PARP4: variants seen among roughly 807,000 people sequenced by gnomAD.
PARP4 encodes the protein poly(ADP-ribose) polymerase family member 4.
In PARP4, 120 loss-of-function variants were observed where a neutral mutation model predicts 187.7. The ratio of observed to expected loss-of-function variants is 0.64; its 90% CI spans 0.55 to 0.74. The LOEUF (loss-of-function observed/expected upper bound fraction) is 0.74, where lower values mean the gene tolerates loss of function less well. PARP4 is among the 30% of genes least tolerant of loss of function. PARP4 has a pLI of 0.00. For synonymous variants in PARP4, 654 were observed against 740.9 expected (o/e 0.88, Z 1.90); for missense variants, 1,836 against 2,070.5 (o/e 0.89, Z 2.20).
chr13:24,454,342 C>T (rs1410726197), intron 22 of PARP4, among the ~76,000 whole-genome samples: 1 of 152,180 alleles, frequency 6.6e-6, no homozygotes, highest in Non-Finnish European at 1.5e-5. Flanking sequence ...GCAGACTGTA[C>T]CTCTGGGGAA....
chr13:24,496,593 C>T (rs1042383526), intron 6 of PARP4, among the ~76,000 whole-genome samples: 1 of 152,110 alleles, frequency 6.6e-6, no homozygotes, highest in African/African-American at 2.4e-5. Flanking sequence ...AAGTGGATCT[C>T]ACATCCACCT....
At position 24,469,091 on chromosome 13, in the gene PARP4, GCTT is replaced by G. The variant is rs780944738; in HGVS notation, c.2063_2065del (p.Glu688del). 5.6e-6 allele frequency: 9 copies of G among 1,612,248 alleles called. No homozygotes were observed. The stretch of plus-strand genomic sequence containing the variant: ...CACGGCTTCTAGGTACTCTTGCTGG[GCTT>G]CTTCCTTCTCTTTAATCTGGAAAAG... On this transcript the variant is annotated inframe_deletion, in exon 17 of 34. Coordinates refer to ENST00000381989, the MANE Select transcript of PARP4 (RefSeq NM_006437.4).
At chr13:24,446,067 A>T (rs1357586040) in intron 27 of PARP4, among the ~76,000 whole-genome samples, 2 of 152,250 alleles carry the variant, frequency 1.3e-5, no homozygotes, top group Non-Finnish European at 2.9e-5. Flanking sequence ...ATAAACCCAC[A>T]TCCTCAATAT....
intron 17 of PARP4, 132 bp downstream of exon 17, chr13:24,468,892 A>G (rs1872609261): frequency 7.5e-6 from 5 of 663,948 alleles, no homozygotes; most frequent in Non-Finnish European, 1.3e-5. Flanking sequence ...CCCCTTACTC[A>G]GACCAAGTGG....
chr13:24,425,569 G>GTATATCTATATCTATATC (rs1343575198), intron 33 of PARP4, among the ~76,000 whole-genome samples: 62 of 136,818 alleles, frequency 4.5e-4, no homozygotes, highest in South Asian at 1.5e-3. Flanking sequence ...GTGTGTGTGT[G>GTATATCTATATCTATATC]TATATCTATA....
In PARP4 at chr13:24,493,307, A is replaced by C. The variant is rs371246627; in HGVS notation, c.879+289T>G. On this transcript the variant is annotated intron_variant, in intron 8 of 33. Coordinates refer to ENST00000381989, the MANE Select transcript of PARP4 (RefSeq NM_006437.4). ...CACCCATAACCCTCCAGCTTCCTGC[A>C]AGCCTCTTGGCACAGAGGATCAGGC... 9.8e-5 allele frequency among the ~76,000 whole-genome samples: 15 copies of C among 152,332 alleles called. No homozygotes were observed. The East Asian group carries it at 1.7e-3, about 18-fold the overall frequency.
intron 12 of PARP4, among the ~76,000 whole-genome samples, chr13:24,478,909 A>T (rs978504857): frequency 6.6e-6 from 1 of 152,194 alleles, no homozygotes; most frequent in African/African-American, 2.4e-5. Flanking sequence ...GAGAAGGAAA[A>T]ATCACCACCT....
chr13:24,440,414 A>T (rs1475405379), intron 30 of PARP4, among the ~76,000 whole-genome samples: 7 of 46,720 alleles, frequency 1.5e-4, no homozygotes, highest in African/African-American at 4.5e-4. Context: ...AAAAAAAATT[A>T]AAATTAAAAA....
At chr13:24,464,497 A>G (rs1872358135) in intron 17 of PARP4, among the ~76,000 whole-genome samples, 1 of 152,184 alleles carries the variant, frequency 6.6e-6, no homozygotes, top group Non-Finnish European at 1.5e-5. Context: ...AACACCACAC[A>G]TCTACAACTG....
chr13:24,504,950 C>T (rs926794841), intron 1 of PARP4, among the ~76,000 whole-genome samples: 1 of 151,368 alleles, frequency 6.6e-6, no homozygotes. Flanking sequence ...CCACCTTGGC[C>T]TCCCAAAATT....
chr13:24,431,243 A>G (rs1593585890), intron 32 of PARP4, 134 bp downstream of exon 32: 1 of 574,740 alleles, frequency 1.7e-6, no homozygotes, highest in Non-Finnish European at 3.0e-6. Context: ...ATGGTTAAAT[A>G]TAATTCCATT....
At position 24,496,852 on chromosome 13, in the gene PARP4, G is replaced by A. The variant is rs549350616; in HGVS notation, c.591+1264C>T. 8.6e-5 allele frequency among the ~76,000 whole-genome samples: 13 copies of A among 152,046 alleles called. No individual in the cohort carries two copies. The East Asian group carries it at 2.1e-3, about 25-fold the overall frequency. ...AGCCTGGCCAACATGGTGAAACCCCGTCTCTACTAAAAATACAAAAATTAG... is the reference window on the plus strand; with the variant it reads ...AGCCTGGCCAACATGGTGAAACCCCATCTCTACTAAAAATACAAAAATTAG... On this transcript the variant is annotated intron_variant, in intron 6 of 33. Transcript: ENST00000381989.
chr13:24,478,209 C>G lies in PARP4; in HGVS notation c.1516G>C (p.Ala506Pro). The change falls in exon 13 of 34, where the codon GCC (alanine) becomes CCC (proline). Residue 506 changes from alanine to proline, a missense_variant. Physicochemically the swap from Ala to Pro is conservative, Grantham distance 27. Around this residue, in one of 8 missense-constraint regions of PARP4, gnomAD observed 1,147 missense variants for 1,214.2 expected, o/e 0.94. Transcript: ENST00000381989. ...TGTAAGTCCATACACTTTCCGAGGG[C>G]TACGTCACAAATGAGCAGGAGTCTG... Reference protein sequence around the residue: ...GTRLLLICDVALGKCMDLHEK... With the variant: ...GTRLLLICDVPLGKCMDLHEK... The G allele has an allele frequency of 6.2e-7, 1 of 1,613,664 alleles. No individual in the cohort carries two copies. Among genetic ancestry groups the G allele is most frequent in the Non-Finnish European group, 8.5e-7 (1 of 1,179,708 alleles).
intron 1 of PARP4, among the ~76,000 whole-genome samples, chr13:24,504,263 A>ATATGTATG (rs1385213154): frequency 6.6e-6 from 1 of 150,954 alleles, no homozygotes; most frequent in Non-Finnish European, 1.5e-5. Context: ...TTTAAATGGA[A>ATATGTATG]TATGTATGTG....
intron 17 of PARP4, among the ~76,000 whole-genome samples, chr13:24,462,600 A>T (rs956625033): frequency 6.6e-6 from 1 of 152,240 alleles, no homozygotes; most frequent in Non-Finnish European, 1.5e-5. Flanking sequence ...AGATTCAGAG[A>T]TGACCATGAC....
At chr13:24,456,227 G>A in intron 21 of PARP4, 114 bp downstream of exon 21, 1 of 781,592 alleles carries the variant, frequency 1.3e-6, no homozygotes, top group Non-Finnish European at 2.0e-6. Context: ...AGATGTGAGA[G>A]TTCATTTTGT....
At chr13:24,472,555 T>C (rs1872770075) in intron 15 of PARP4, among the ~76,000 whole-genome samples, 1 of 152,184 alleles carries the variant, frequency 6.6e-6, no homozygotes, top group Non-Finnish European at 1.5e-5. Flanking sequence ...TTTATGGTTG[T>C]TCAATGCAAT....
intron 3 of PARP4, among the ~76,000 whole-genome samples, chr13:24,500,745 C>T (rs1360404322): frequency 1.3e-5 from 2 of 152,180 alleles, no homozygotes; most frequent in Non-Finnish European, 2.9e-5. Context: ...GATGTTCTAG[C>T]TTAGAGGAGG....
intron 23 of PARP4, 88 bp from the exon 24 acceptor site, chr13:24,452,681 A>C: frequency 9.7e-7 from 1 of 1,030,702 alleles, no homozygotes; most frequent in African/African-American, 1.6e-5. Context: ...AGGACAGTGT[A>C]GGGATATGGT....
Sources: allele counts gnomAD v4.1 joint callset (sites outside exome capture counted in the v4.1 genomes callset), GRCh38; gene constraint gnomAD v4.1.1; regional missense constraint gnomAD v4.1.1; transcripts MANE v1.5; gene names NCBI Gene and HGNC (gene_info 2026-07-23, HGNC 2026-07-21).